DOCK2: variants seen among roughly 807,000 people sequenced by gnomAD.
DOCK2 encodes the protein dedicator of cytokinesis protein 2.
In DOCK2, 87 loss-of-function variants were observed where a neutral mutation model predicts 248.9. The observed-to-expected ratio is 0.35, with a 90% CI of 0.29 to 0.42. The LOEUF (loss-of-function observed/expected upper bound fraction) is 0.42. Ranked by LOEUF, DOCK2 falls within the 10% of genes least tolerant of loss-of-function variation. DOCK2 has a pLI of 1.00. For synonymous variants in DOCK2, 805 were observed against 821.6 expected (o/e 0.98, Z 0.35); for missense variants, 1,747 against 2,300.2 (o/e 0.76, Z 4.92).
intron 3 of DOCK2, 56 bp from the exon 4 acceptor site, chr5:169,670,486 C>T: frequency 6.3e-7 from 1 of 1,588,366 alleles, no homozygotes; most frequent in Non-Finnish European, 8.6e-7. Context: ...TCATTCATTT[C>T]TGTGGTGATA....
chr5:170,003,773 A>G (rs551339678), intron 30 of DOCK2, among the ~76,000 whole-genome samples: 1 of 152,236 alleles, frequency 6.6e-6, no homozygotes, highest in Non-Finnish European at 1.5e-5. Flanking sequence ...CTTTGGGAAC[A>G]AGAGTGAAGA....
chr5:169,795,386 G>A (rs939993336), intron 25 of DOCK2, among the ~76,000 whole-genome samples: 1 of 152,156 alleles, frequency 6.6e-6, no homozygotes, highest in Admixed American at 6.5e-5. Context: ...TCCCCGAGGG[G>A]TTCATAAAGT....
At chr5:169,753,365 C>T (rs570226710) in intron 23 of DOCK2, among the ~76,000 whole-genome samples, 77 of 150,750 alleles carry the variant, frequency 5.1e-4, no homozygotes, top group Admixed American at 2.0e-3. Context: ...CACCCCCCCC[C>T]ACCCCCTGAC....
chr5:170,034,343 C>T, intron 34 of DOCK2, 56 bp from the exon 35 acceptor site: 3 of 1,602,940 alleles, frequency 1.9e-6, no homozygotes, highest in Non-Finnish European at 2.6e-6. Context: ...CCCACTGGCC[C>T]CAGCACAGTC....
chr5:169,891,783 G>T (rs1006244583), intron 27 of DOCK2, among the ~76,000 whole-genome samples: 7 of 152,038 alleles, frequency 4.6e-5, no homozygotes, highest in Non-Finnish European at 7.4e-5. Context: ...AGGAGTTCAA[G>T]ACCAGCTTGG....
At chr5:169,944,181 A>G (rs35953568) in intron 27 of DOCK2, among the ~76,000 whole-genome samples, 17,223 of 152,156 alleles carry the variant, frequency 0.11, 1,199 homozygotes, top group African/African-American at 0.2. Context: ...TGCCACACCA[A>G]AGGCCCTGCC....
intron 27 of DOCK2, among the ~76,000 whole-genome samples, chr5:169,979,882 C>T (rs147224601): frequency 6.6e-6 from 1 of 152,154 alleles, no homozygotes; most frequent in Non-Finnish European, 1.5e-5. Flanking sequence ...CAGCCACTCT[C>T]TCTAGATGGG....
At chr5:169,736,107 A>G (rs1271531405) in intron 22 of DOCK2, among the ~76,000 whole-genome samples, 1 of 152,234 alleles carries the variant, frequency 6.6e-6, no homozygotes, top group Non-Finnish European at 1.5e-5. Context: ...ATCTCTCGCC[A>G]GGTCCCTCCC....
At chr5:169,913,166 A>G (rs1011987964) in intron 27 of DOCK2, among the ~76,000 whole-genome samples, 1 of 152,174 alleles carries the variant, frequency 6.6e-6, no homozygotes, top group Non-Finnish European at 1.5e-5. Context: ...TACTTTCACA[A>G]TTTCATTAGT....
chr5:169,681,650 C>T (rs1344750800), intron 6 of DOCK2, 94 bp from the exon 7 acceptor site: 77 of 1,461,850 alleles, frequency 5.3e-5, no homozygotes, highest in Non-Finnish European at 6.7e-5. Context: ...TATATGACCC[C>T]CAGAAATCAG....
intron 1 of DOCK2, among the ~76,000 whole-genome samples, chr5:169,647,675 T>C (rs2113130619): frequency 6.6e-6 from 1 of 152,136 alleles, no homozygotes; most frequent in Middle Eastern, 3.4e-3. Context: ...CCCCCCTCTC[T>C]TCCCTGCTGT....
chr5:169,988,872 C>T (rs185085728), intron 29 of DOCK2, among the ~76,000 whole-genome samples: 50 of 152,266 alleles, frequency 3.3e-4, no homozygotes, highest in African/African-American at 1.1e-3. Flanking sequence ...TTTAGATAAA[C>T]AGAACAGGTA....
At chr5:169,953,348 A>AT (rs34219333) in intron 27 of DOCK2, among the ~76,000 whole-genome samples, 28 of 130,774 alleles carry the variant, frequency 2.1e-4, no homozygotes, top group African/African-American at 7.8e-4. Context: ...AAAAAAAAAA[A>AT]GAGAGAGAGA....
chr5:169,906,106 G>T (rs570852951), intron 27 of DOCK2, among the ~76,000 whole-genome samples: 1 of 152,160 alleles, frequency 6.6e-6, no homozygotes, highest in Non-Finnish European at 1.5e-5. Flanking sequence ...GTTACCAAAC[G>T]GTCCTGAGTT....
chr5:170,007,695 AC>A (rs1755096832), intron 30 of DOCK2, among the ~76,000 whole-genome samples: 1 of 152,044 alleles, frequency 6.6e-6, no homozygotes. Flanking sequence ...TGACCCCTTT[AC>A]CTGCTCTATT....
intron 27 of DOCK2, among the ~76,000 whole-genome samples, chr5:169,901,300 G>A (rs912660452): frequency 6.6e-6 from 1 of 152,318 alleles, no homozygotes; most frequent in South Asian, 2.1e-4. Context: ...GGAATCCAGA[G>A]AGCAGGCCAC....
chr5:169,953,729 C>T (rs985430597), intron 27 of DOCK2, among the ~76,000 whole-genome samples: 2 of 152,252 alleles, frequency 1.3e-5, no homozygotes, highest in Middle Eastern at 3.4e-3. Flanking sequence ...GGGACATGCA[C>T]CTCCCTCCCT....
At chr5:169,684,761 C>CA (rs746796467) in intron 8 of DOCK2, among the ~76,000 whole-genome samples, 3 of 152,186 alleles carry the variant, frequency 2.0e-5, no homozygotes, top group Non-Finnish European at 4.4e-5. Flanking sequence ...GTGGTTCTCC[C>CA]ACCTCAGCCT....
intron 27 of DOCK2, among the ~76,000 whole-genome samples, chr5:169,880,608 A>T (rs1772585722): frequency 1.3e-5 from 2 of 152,240 alleles, no homozygotes; most frequent in African/African-American, 4.8e-5. Flanking sequence ...AAACAGGTAT[A>T]AACCCTTGCA....
Sources: allele counts gnomAD v4.1 joint callset (sites outside exome capture counted in the v4.1 genomes callset), GRCh38; gene constraint gnomAD v4.1.1; transcripts MANE v1.5; gene names NCBI Gene and HGNC (gene_info 2026-07-23, HGNC 2026-07-21).